The following AGBL2 variants were observed in gnomAD, a reference collection of about 807,000 sequenced individuals.
The protein encoded by AGBL2 is AGBL carboxypeptidase 2.
AGBL2 carries 87 observed loss-of-function variants against 103.0 expected under a neutral mutation model. The observed-to-expected ratio is 0.84, with a 90% CI of 0.71 to 1.01. AGBL2 has a LOEUF of 1.01. Ranked by LOEUF, AGBL2 falls within the 50% of genes least tolerant of loss-of-function variation. AGBL2 has a pLI of 0.00. For missense variants in AGBL2, 904 were observed against 1,023.5 expected (o/e 0.88, Z 1.59); for synonymous variants, 335 against 356.7 (o/e 0.94, Z 0.69).
chr11:47,683,916 C>A (rs2097412564), intron 11 of AGBL2, among the ~76,000 whole-genome samples: 1 of 147,554 alleles, frequency 6.8e-6, no homozygotes, highest in Non-Finnish European at 1.5e-5. Context: ...CATAGTGAGA[C>A]CCTGTCTCTA....
At position 47,692,233 on chromosome 11, in the gene AGBL2, T is replaced by C; in HGVS notation, c.718A>G (p.Thr240Ala). 1.2e-6 allele frequency: 2 copies of C among 1,613,736 alleles called. No individual in the cohort carries two copies. The highest frequency in any genetic ancestry group is 1.7e-6 in the Non-Finnish European group (2 of 1,179,884). ...CGTTTGCCTCCCACTCTGGAACTGG[T>C]AAAATAGGAACCTTCTATAGGCACT... ...DSVPIEGSYF[T>A]SSRVGGKRGI... is the part of the protein sequence containing the mutation. Residue 240 changes from threonine (T) to alanine (A), a missense_variant, in exon 9 of 19, where the codon ACC becomes GCC. Thr to Ala is a moderately conservative substitution (Grantham distance 58). Transcript: ENST00000525123.
chr11:47,671,360 C>CA (rs574965604), intron 14 of AGBL2, among the ~76,000 whole-genome samples: 85 of 148,498 alleles, frequency 5.7e-4, no homozygotes, highest in African/African-American at 1.5e-3. Context: ...ACTAAAAATA[C>CA]AAAAAAAAAA....
intron 13 of AGBL2, among the ~76,000 whole-genome samples, chr11:47,679,372 C>G (rs2097392385): frequency 1.3e-5 from 2 of 151,514 alleles, no homozygotes; most frequent in Non-Finnish European, 2.9e-5. Context: ...GCCTGGGTAA[C>G]AGAGTCAGAT....
chr11:47,669,903 A>G (rs2097352246), intron 14 of AGBL2, among the ~76,000 whole-genome samples: 1 of 152,096 alleles, frequency 6.6e-6, no homozygotes, highest in Non-Finnish European at 1.5e-5. Context: ...GAGCCACTGT[A>G]CCCGGTACCC....
chr11:47,710,905 G>T (rs1172956315), intron 3 of AGBL2: 2 of 307,760 alleles, frequency 6.5e-6, no homozygotes, highest in Non-Finnish European at 1.2e-5. Flanking sequence ...GCGAGATCCT[G>T]TCTCAAAAAA....
rs35531290 is a variant in AGBL2 at position 47,666,391 on chromosome 11, C to CAA, written c.2448+563_2448+564dup. ...TGGGTAACAGAGTAAGACTCCATCTCAAAAAAAAAAAAAAGAAAAAAAATC... is the reference window on the plus strand; with the variant it reads ...TGGGTAACAGAGTAAGACTCCATCTCAAAAAAAAAAAAAAAAGAAAAAAAATC... On this transcript the variant is annotated intron_variant, in intron 17 of 18. Coordinates refer to ENST00000525123, the MANE Select transcript of AGBL2 (RefSeq NM_024783.4). 4.8e-3 allele frequency among the ~76,000 whole-genome samples: 535 copies of CAA among 111,316 alleles called. 3 individuals carry two copies. The highest frequency in any genetic ancestry group is 7.5e-3 in the African/African-American group (195 of 26,090). 73.0% of individuals were successfully genotyped at this position (111,316 alleles called of 152,430 possible). A position where few individuals can be genotyped will look rare whatever the true frequency, so the allele number is the denominator to read the frequency against.
intron 14 of AGBL2, among the ~76,000 whole-genome samples, chr11:47,676,813 CA>C (rs566335901): frequency 0.37 from 25,893 of 69,852 alleles, 2,493 homozygotes; most frequent in African/African-American, 0.52. Flanking sequence ...GCCTCCATCT[CA>C]AAAAAAAAAA....
intron 8 of AGBL2, among the ~76,000 whole-genome samples, chr11:47,694,030 T>C (rs2097457935): frequency 1.3e-5 from 2 of 152,152 alleles, no homozygotes; most frequent in East Asian, 3.9e-4. Flanking sequence ...TGTGATATAC[T>C]CTGTACAAAA....
intron 18 of AGBL2, among the ~76,000 whole-genome samples, chr11:47,660,761 G>T (rs2097325986): frequency 6.6e-6 from 1 of 151,896 alleles, no homozygotes; most frequent in Admixed American, 6.6e-5. Context: ...TCGCCATTTT[G>T]CCCAGGCTGG....
At chr11:47,705,796 C>G in intron 5 of AGBL2, 68 bp downstream of exon 5, 2 of 1,362,586 alleles carry the variant, frequency 1.5e-6, no homozygotes, top group Non-Finnish European at 2.1e-6. Flanking sequence ...CTGGTGGGAA[C>G]AGCAGGTGAT....
rs1301772753 is a variant in AGBL2 at position 47,704,640 on chromosome 11, G to A, written c.489C>T (p.Pro163=). ...LDEVNPRLRE[P]QELFSILSTK... is the part of the protein sequence containing the mutation. ...TAGACAAAATGGAAAAGAGCTCTTG[G>A]GGTTCTCGAAGACGTGGGTTTACTT... Residue 163 remains proline (P), a synonymous_variant, in exon 7 of 19, where the codon CCC becomes CCT. Coordinates refer to ENST00000525123, the MANE Select transcript of AGBL2 (RefSeq NM_024783.4). 1.9e-6 allele frequency: 3 copies of A among 1,614,062 alleles called. No individual in the cohort carries two copies. Among genetic ancestry groups the A allele is most frequent in the Non-Finnish European group, 2.5e-6 (3 of 1,180,006 alleles).
chr11:47,708,755 A>C (rs2153805494), intron 4 of AGBL2, among the ~76,000 whole-genome samples: 1 of 151,504 alleles, frequency 6.6e-6, no homozygotes, highest in Non-Finnish European at 1.5e-5. Context: ...CGGAGGTTGT[A>C]GTGAGCCGAG....
At chr11:47,697,071 G>A (rs1413775493) in intron 8 of AGBL2, among the ~76,000 whole-genome samples, 2 of 151,492 alleles carry the variant, frequency 1.3e-5, no homozygotes, top group Admixed American at 1.3e-4. Context: ...TGGGATTACA[G>A]GGGCATGCCA....
rs1183154320 is a variant in AGBL2, at chr11:47,706,515, CA to C, written c.233-599del. Among the ~76,000 whole-genome samples the C allele has an allele frequency of 2.6e-4, 38 of 147,142 alleles. No homozygotes were observed. The East Asian group carries it at 6.9e-3, about 27-fold the overall frequency. ...TGGGGCACAGAGCAAGACTCCGTCT[CA>C]AAAAAAAAATAAATAAAAATAAAAA... On this transcript the variant is annotated intron_variant, in intron 4 of 18. Coordinates refer to ENST00000525123, the MANE Select transcript of AGBL2 (RefSeq NM_024783.4).
At chr11:47,701,644 T>C (rs866893339) in intron 7 of AGBL2, among the ~76,000 whole-genome samples, 2 of 151,858 alleles carry the variant, frequency 1.3e-5, no homozygotes, top group Non-Finnish European at 2.9e-5. Context: ...GGCAACATAG[T>C]GAGACCATGT....
At position 47,675,271 on chromosome 11, in the gene AGBL2, C is replaced by T. The variant is rs555617479; in HGVS notation, c.2147+2000G>A. ...TAGCGCAGATTGTAGTACACTAGCG[C>T]GGCCATACCTCACTGCAACCTCGAA... On this transcript the variant is annotated intron_variant, in intron 14 of 18. Transcript: ENST00000525123. 1.2e-4 allele frequency among the ~76,000 whole-genome samples: 18 copies of T among 144,560 alleles called. 1 individual carries two copies. The South Asian group carries it at 3.5e-3, about 28-fold the overall frequency. The allele number at this position is 144,560 out of a possible 152,430, so 94.8% of individuals were successfully genotyped here.
At chr11:47,701,244 G>A (rs1195883741) in intron 7 of AGBL2, among the ~76,000 whole-genome samples, 1 of 151,484 alleles carries the variant, frequency 6.6e-6, no homozygotes, top group Non-Finnish European at 1.5e-5. Flanking sequence ...GCCGAAGCGG[G>A]CGGATCATGA....
At chr11:47,681,440 CT>C (rs1415555770) in intron 12 of AGBL2, among the ~76,000 whole-genome samples, 8 of 152,274 alleles carry the variant, frequency 5.3e-5, no homozygotes, top group South Asian at 2.1e-4. Flanking sequence ...ATTCAACCCC[CT>C]ATCTGCCTGA....
chr11:47,667,635 T>G lies in AGBL2; in HGVS notation c.2276A>C (p.Gln759Pro). ...KKKKSLQTRKQRNEQYQKKNL... is the reference protein window; with the variant it reads ...KKKKSLQTRKPRNEQYQKKNL... ...TTTTTTCTGATACTGCTCATTTCGC[T>G]GTTTCCTAGTCTGAAGTGACTTCTT... The change falls in exon 16 of 19, where the codon CAG becomes CCG. Residue 759 changes from glutamine to proline, a missense_variant. Coordinates refer to ENST00000525123, the MANE Select transcript of AGBL2 (RefSeq NM_024783.4). 1.2e-6 allele frequency: 2 copies of G among 1,613,946 alleles called. No homozygotes were observed. Among genetic ancestry groups the G allele is most frequent in the South Asian group, 1.1e-5 (1 of 91,060 alleles).
Sources: allele counts gnomAD v4.1 joint callset (sites outside exome capture counted in the v4.1 genomes callset), GRCh38; gene constraint gnomAD v4.1.1; transcripts MANE v1.5; gene names NCBI Gene and HGNC (gene_info 2026-07-23, HGNC 2026-07-21).